Variants in PCNT observed in about 807,000 individuals in gnomAD.
PCNT encodes the protein kendrin.
PCNT carries 319 observed loss-of-function variants against 380.4 expected under a neutral mutation model. The ratio of observed to expected loss-of-function variants is 0.84; its 90% CI spans 0.77 to 0.92. The LOEUF (loss-of-function observed/expected upper bound fraction) is 0.92, where lower values mean the gene tolerates loss of function less well. Among genes scored for constraint, PCNT ranks in the 40% least tolerant of loss-of-function variants. The pLI is 0.00. For synonymous variants in PCNT, 1,845 were observed against 1,735.2 expected, an observed-to-expected ratio of 1.06 and a Z score of -1.57; for missense variants, 4,400 against 4,255.3, an observed-to-expected ratio of 1.03 and a Z score of -0.95.
chr21:46,325,724 A>G (rs780674490), intron 1 of PCNT, among the ~76,000 whole-genome samples: 1 of 152,160 alleles, frequency 6.6e-6, no homozygotes, highest in Non-Finnish European at 1.5e-5. Context: ...CTCTTGAGTA[A>G]GACGTTAGCG....
At chr21:46,442,793 C>T (rs2053645209) in intron 44 of PCNT, 3 of 598,422 alleles carry the variant, frequency 5.0e-6, no homozygotes, top group South Asian at 3.9e-5. Flanking sequence ...CAGGGGCGTA[C>T]GGCGATGGGA....
intron 17 of PCNT, among the ~76,000 whole-genome samples, chr21:46,387,064 G>C (rs760822821): frequency 1.2e-4 from 18 of 152,184 alleles, no homozygotes; most frequent in Non-Finnish European, 2.6e-4. Context: ...CGAGGCCTCT[G>C]GGTTGTGCTG....
At position 46,349,746 on chromosome 21, in the gene PCNT, C is replaced by A. The variant is rs1251809854; in HGVS notation, c.1270C>A (p.Gln424Lys). The A allele has an allele frequency of 6.2e-7, 1 of 1,613,778 alleles. No individual in the cohort carries two copies. The highest frequency in any genetic ancestry group is 2.2e-5 in the East Asian group (1 of 44,882). Residue 424 changes from glutamine (Q) to lysine (K), a missense_variant, in exon 8 of 47, where the codon CAG becomes AAG. Coordinates refer to ENST00000359568, the MANE Select transcript of PCNT (RefSeq NM_006031.6). The part of the protein sequence containing the change: ...AAIEKLREDL[Q>K]SEHGRCLEDL... ...CATTGAGAAGTTACGTGAAGACCTG[C>A]AGTCCGAGCACGGCCGGTGTTTAGA...
At chr21:46,335,774 C>T (rs1034233474) in intron 3 of PCNT, among the ~76,000 whole-genome samples, 4 of 151,634 alleles carry the variant, frequency 2.6e-5, no homozygotes, top group Non-Finnish European at 5.9e-5. Context: ...TAACCTCCGC[C>T]TCCTGGGTTC....
chr21:46,428,311 TG>T, intron 34 of PCNT, 83 bp from the exon 35 acceptor site: 1 of 1,251,422 alleles, frequency 8.0e-7, no homozygotes, highest in African/African-American at 1.5e-5. Context: ...CCGGCGGAGC[TG>T]GTTTTGAGGG....
intron 28 of PCNT, among the ~76,000 whole-genome samples, 174 bp downstream of exon 28, chr21:46,412,241 C>T (rs2086813990): frequency 6.6e-6 from 1 of 152,190 alleles, no homozygotes; most frequent in Non-Finnish European, 1.5e-5. Context: ...TGTTCCGTGT[C>T]AGTACGCAGT....
At chr21:46,368,532 G>A (rs1321955108) in intron 15 of PCNT, among the ~76,000 whole-genome samples, 4 of 152,196 alleles carry the variant, frequency 2.6e-5, no homozygotes, top group African/African-American at 7.2e-5. Context: ...AGTCCCTCTT[G>A]CCCTGGGCTG....
chr21:46,398,820 C>CTTTTTTTTTTTTTTTTTTTT (rs11331073), intron 24 of PCNT, among the ~76,000 whole-genome samples: 2 of 114,560 alleles, frequency 1.7e-5, no homozygotes, highest in African/African-American at 3.2e-5. Context: ...TTTTCTTTTT[C>CTTTTTTTTTTTTTTTTTTTT]TTTTTTTTTT....
intron 31 of PCNT, among the ~76,000 whole-genome samples, chr21:46,421,281 C>T (rs573500862): frequency 5.3e-5 from 8 of 152,088 alleles, no homozygotes; most frequent in East Asian, 3.9e-4. Flanking sequence ...ACGGGGGCCC[C>T]GTCTCGCTGG....
chr21:46,434,153 C>G (rs1163292936), intron 38 of PCNT, among the ~76,000 whole-genome samples: 1 of 152,214 alleles, frequency 6.6e-6, no homozygotes, highest in Non-Finnish European at 1.5e-5. Flanking sequence ...GCCATGGAAG[C>G]CTCCCAAGAT....
intron 38 of PCNT, 123 bp from the exon 39 acceptor site, chr21:46,435,781 A>G (rs1404920285): frequency 1.3e-5 from 14 of 1,045,582 alleles, no homozygotes; most frequent in South Asian, 1.3e-5. Context: ...TGACCTCATG[A>G]TCTGCCCGCC....
In PCNT at chr21:46,353,924, G is replaced by GGT. The variant is rs2084375466; in HGVS notation, c.1680-63_1680-62insGT. The GGT allele has an allele frequency of 2.1e-6, 3 of 1,403,552 alleles. No homozygotes were observed. In the African/African-American group the frequency reaches 4.2e-5, roughly 20 times the overall value. The allele number at this position is 1,403,552 out of a possible 1,614,324, so 86.9% of individuals were successfully genotyped here. ...CTGTGAGCAGTCGGTCCTGGGGAGG[G>GGT]AATGGCGCACACATGGAAAAGGGGT... On this transcript the variant is annotated intron_variant, in intron 10 of 46. Coordinates refer to ENST00000359568, the MANE Select transcript of PCNT (RefSeq NM_006031.6).
chr21:46,432,769 C>T (rs2087823000), intron 38 of PCNT, among the ~76,000 whole-genome samples: 1 of 152,078 alleles, frequency 6.6e-6, no homozygotes, highest in African/African-American at 2.4e-5. Context: ...GGACTGCAGG[C>T]ACATGCCACC....
At chr21:46,413,752 A>G (rs953916300) in intron 29 of PCNT, among the ~76,000 whole-genome samples, 1 of 151,966 alleles carries the variant, frequency 6.6e-6, no homozygotes, top group Non-Finnish European at 1.5e-5. Context: ...TAATCTGTTC[A>G]CCTCACTCCA....
At position 46,346,958 on chromosome 21, in the gene PCNT, G is replaced by A. The variant is rs780199401; in HGVS notation, c.936G>A (p.Arg312=). 3 of 1,596,420 alleles carry A rather than the reference G, an allele frequency of 1.9e-6. No homozygotes were observed. The highest frequency in any genetic ancestry group is 1.8e-5 in the Admixed American group (1 of 56,024). The part of the protein sequence containing the change: ...ELELLREQHA[R]EKEEVVLRCG... ...AGCTCCTCAGGGAGCAGCACGCACG[G>A]GAGAAGGAGGAGGTGGTGCTCAGGT... The change falls in exon 5 of 47, where the codon CGG becomes CGA. Residue 312 remains arginine, a synonymous_variant. Coordinates refer to ENST00000359568, the MANE Select transcript of PCNT (RefSeq NM_006031.6).
rs765691877 is a variant in PCNT, at chr21:46,346,740, C to T, written c.721-3C>T. The T allele has an allele frequency of 1.9e-6, 3 of 1,595,570 alleles. No homozygotes were observed. The Admixed American group carries it at 5.3e-5, about 28-fold the overall frequency. ...CTTATCAGAGGCCTTTTCTCCGCCG[C>T]AGGCCGTGCATGGCCTTGAGCTGGA... On this transcript the variant is annotated splice_polypyrimidine_tract_variant and splice_region_variant and intron_variant, in intron 4 of 46. Coordinates refer to ENST00000359568, the MANE Select transcript of PCNT (RefSeq NM_006031.6).
At position 46,379,296 on chromosome 21, in the gene PCNT, C is replaced by T. The variant is rs62224221; in HGVS notation, c.3166-2398C>T. On this transcript the variant is annotated intron_variant, in intron 15 of 46. Coordinates refer to ENST00000359568, the MANE Select transcript of PCNT (RefSeq NM_006031.6). ...GTGTCGTGAGCCGCGCCCGTCTTCC[C>T]GGGCCGCGTGTCGTGAGCCGCACCC... Among the ~76,000 whole-genome samples the T allele has an allele frequency of 3.2e-3, 469 of 148,390 alleles. 2 individuals carry two copies. The highest frequency in any genetic ancestry group is 6.1e-3 in the Non-Finnish European group (404 of 66,244).
chr21:46,383,313 T>C (rs1352522656), intron 16 of PCNT, among the ~76,000 whole-genome samples: 10 of 134,516 alleles, frequency 7.4e-5, no homozygotes, highest in African/African-American at 2.9e-4. Flanking sequence ...TTCACGGTGT[T>C]GTGCGTTCAG....
intron 35 of PCNT, among the ~76,000 whole-genome samples, chr21:46,429,670 A>G (rs1192761735): frequency 6.6e-6 from 1 of 152,028 alleles, no homozygotes; most frequent in Non-Finnish European, 1.5e-5. Flanking sequence ...TTTTGGGAGA[A>G]TTTTCCAGTA....
Sources: gnomAD v4.1 joint callset for allele counts (sites outside exome capture counted in the v4.1 genomes callset) on GRCh38, gnomAD v4.1.1 for gene constraint, MANE v1.5 for transcripts, NCBI Gene and HGNC (gene_info 2026-07-23, HGNC 2026-07-21) for gene names.